COMMD10: variants seen among roughly 807,000 people sequenced by gnomAD.
COMMD10 encodes the protein COMM domain-containing protein 10.
In COMMD10, 33 loss-of-function variants were observed where a neutral mutation model predicts 28.9. The ratio of observed to expected loss-of-function variants is 1.14; its 90% CI spans 0.87 to 1.53. The LOEUF is 1.53. Among genes scored for constraint, COMMD10 ranks in the 40% most tolerant of loss-of-function variants. The pLI, the probability that COMMD10 is intolerant of heterozygous loss-of-function variation, is 0.00. For missense variants in COMMD10, 310 were observed against 233.4 expected (o/e 1.33, Z -2.14); for synonymous variants, 110 against 81.7 (o/e 1.35, Z -1.87).
At chr5:116,274,570 T>A (rs1232752699) in intron 5 of COMMD10, among the ~76,000 whole-genome samples, 6 of 151,866 alleles carry the variant, frequency 4.0e-5, no homozygotes, top group Admixed American at 3.9e-4. Context: ...TCTGTTCAGC[T>A]GGGCTTGGCT....
intron 5 of COMMD10, among the ~76,000 whole-genome samples, chr5:116,279,290 C>T (rs181967457): frequency 2.0e-5 from 3 of 151,998 alleles, no homozygotes; most frequent in Non-Finnish European, 4.4e-5. Flanking sequence ...AGAGTTTTTG[C>T]TGCTTACATT....
chr5:116,243,407 G>T (rs1047730428), intron 5 of COMMD10, among the ~76,000 whole-genome samples: 6 of 152,038 alleles, frequency 3.9e-5, no homozygotes, highest in Non-Finnish European at 5.9e-5. Flanking sequence ...CCCCAGAAGT[G>T]AAAATTTACA....
Position 116,253,345 on chromosome 5 carries a change from T to C in COMMD10, c.511-38172T>C, listed in dbSNP as rs1373417254. 1.3e-3 allele frequency among the ~76,000 whole-genome samples: 196 copies of C among 145,958 alleles called. 1 individual carries two copies. The highest frequency in any genetic ancestry group is 4.8e-3 in the African/African-American group (185 of 38,614). ...CTTCCAACACTATGTTGAATAGGAG[T>C]GGTGAGAGAGGGCATCCCTGTCTTG... On this transcript the variant is annotated intron_variant, in intron 5 of 6. Transcript: ENST00000274458.
At chr5:116,170,995 T>C (rs1753309965) in intron 5 of COMMD10, among the ~76,000 whole-genome samples, 1 of 152,118 alleles carries the variant, frequency 6.6e-6, no homozygotes, top group South Asian at 2.1e-4. Flanking sequence ...TGGGATCTAA[T>C]TAAACTAAAG....
intron 4 of COMMD10, among the ~76,000 whole-genome samples, chr5:116,120,609 G>C (rs1751398826): frequency 6.6e-6 from 1 of 151,992 alleles, no homozygotes; most frequent in Admixed American, 6.6e-5. Flanking sequence ...AGCAACCCCT[G>C]CTCTACATTC....
chr5:116,277,923 A>C (rs542340727), intron 5 of COMMD10, among the ~76,000 whole-genome samples: 1 of 151,864 alleles, frequency 6.6e-6, no homozygotes, highest in African/African-American at 2.4e-5. Flanking sequence ...ATTTCTGTCT[A>C]TGAATCTAAT....
At chr5:116,181,472 G>A (rs1313547915) in intron 5 of COMMD10, among the ~76,000 whole-genome samples, 2 of 149,974 alleles carry the variant, frequency 1.3e-5, no homozygotes, top group Non-Finnish European at 3.0e-5. Context: ...AATCAGAGCA[G>A]TTTAAACCTA....
At chr5:116,267,061 A>C (rs1371808471) in intron 5 of COMMD10, among the ~76,000 whole-genome samples, 2 of 151,702 alleles carry the variant, frequency 1.3e-5, no homozygotes, top group African/African-American at 4.9e-5. Context: ...CTCTCTCACC[A>C]CTCCTATTCA....
chr5:116,137,904 T>G (rs1347191669), intron 5 of COMMD10, among the ~76,000 whole-genome samples: 3 of 151,998 alleles, frequency 2.0e-5, no homozygotes, highest in Admixed American at 2.0e-4. Context: ...CTACTGTGTT[T>G]AGCAAAGTGA....
At chr5:116,259,426 A>G (rs1387304015) in intron 5 of COMMD10, among the ~76,000 whole-genome samples, 1 of 151,504 alleles carries the variant, frequency 6.6e-6, no homozygotes, top group Non-Finnish European at 1.5e-5. Context: ...ACTGAGAATT[A>G]CAATTATATT....
chr5:116,109,223 A>T (rs1750956879), intron 4 of COMMD10, among the ~76,000 whole-genome samples: 1 of 152,090 alleles, frequency 6.6e-6, no homozygotes, highest in African/African-American at 2.4e-5. Context: ...TGTCGTGTTC[A>T]GTTTTCTTTC....
At position 116,098,699 on chromosome 5, in the gene COMMD10, C is replaced by T. The variant is rs114557677; in HGVS notation, c.399+5999C>T. On this transcript the variant is annotated intron_variant, in intron 4 of 6. Coordinates refer to ENST00000274458, the MANE Select transcript of COMMD10 (RefSeq NM_016144.4). ...TGTAGGGGGTCCTGGAACCAGCCCT[C>T]GCTAGATACTGAGGAAAGACTGTGA... is the stretch of plus-strand genomic sequence containing the variant. 5.5e-3 allele frequency among the ~76,000 whole-genome samples: 840 copies of T among 152,130 alleles called. 6 individuals carry two copies. Among genetic ancestry groups the T allele is most frequent in the African/African-American group, 6.6e-3 (273 of 41,494 alleles).
intron 5 of COMMD10, among the ~76,000 whole-genome samples, chr5:116,143,375 AATG>A (rs1374499017): frequency 1.3e-5 from 2 of 151,732 alleles, no homozygotes; most frequent in African/African-American, 4.8e-5. Flanking sequence ...ATGTGGAGAA[AATG>A]ATAATAGAGA....
rs909011242 is a variant in COMMD10, at chr5:116,237,929, G to A, written c.511-53588G>A. On this transcript the variant is annotated intron_variant, in intron 5 of 6. Coordinates refer to ENST00000274458, the MANE Select transcript of COMMD10 (RefSeq NM_016144.4). ...AAAGCTAAAGGGTCAGAATGTCGTC[G>A]TTTCAAAGCAATTTTCTTAGTTGTA... is the stretch of plus-strand genomic sequence containing the variant. Among the ~76,000 whole-genome samples the A allele has an allele frequency of 3.9e-5, 6 of 152,026 alleles. No homozygotes were observed. The East Asian group carries it at 5.8e-4, about 15-fold the overall frequency.
Position 116,224,636 on chromosome 5 carries a change from G to A in COMMD10, c.511-66881G>A, listed in dbSNP as rs1749346033. On this transcript the variant is annotated intron_variant, in intron 5 of 6. Coordinates refer to ENST00000274458, the MANE Select transcript of COMMD10 (RefSeq NM_016144.4). ...AGAGCGAGAACTCATTTATTGTGAG[G>A]ACAGCACCAAGCCATTCATGAGGGA... Among the ~76,000 whole-genome samples the A allele has an allele frequency of 2.6e-5, 4 of 152,050 alleles. No homozygotes were observed. The South Asian group carries it at 6.2e-4, about 24-fold the overall frequency.
At chr5:116,175,975 T>TGTAC (rs1228136856) in intron 5 of COMMD10, among the ~76,000 whole-genome samples, 4 of 152,138 alleles carry the variant, frequency 2.6e-5, no homozygotes, top group Admixed American at 2.0e-4. Context: ...ACAATATGAA[T>TGTAC]GTACTTGTTG....
At chr5:116,198,907 C>T (rs1748594351) in intron 5 of COMMD10, among the ~76,000 whole-genome samples, 1 of 152,104 alleles carries the variant, frequency 6.6e-6, no homozygotes, top group Admixed American at 6.6e-5. Flanking sequence ...ATAAATAAAG[C>T]TGCTGTACCA....
chr5:116,266,148 G>T (rs1750579816), intron 5 of COMMD10, among the ~76,000 whole-genome samples: 1 of 151,578 alleles, frequency 6.6e-6, no homozygotes, highest in Non-Finnish European at 1.5e-5. Flanking sequence ...TCCTTAAGGG[G>T]GCAATGAGAA....
intron 5 of COMMD10, among the ~76,000 whole-genome samples, chr5:116,235,957 T>C (rs990820713): frequency 1.3e-5 from 2 of 152,210 alleles, no homozygotes; most frequent in Non-Finnish European, 2.9e-5. Flanking sequence ...ATAGCATACA[T>C]ACATTATTTG....
Sources: gnomAD v4.1 joint callset for allele counts (sites outside exome capture counted in the v4.1 genomes callset) on GRCh38, gnomAD v4.1.1 for gene constraint, MANE v1.5 for transcripts, NCBI Gene and HGNC (gene_info 2026-07-23, HGNC 2026-07-21) for gene names.